ZNF546: variants seen among roughly 807,000 people sequenced by gnomAD.
The protein encoded by ZNF546 is CTC-471F3.6.
In ZNF546, 60 loss-of-function variants were observed where a neutral mutation model predicts 76.2. The observed-to-expected ratio is 0.79, with a 90% confidence interval of 0.64 to 0.98. The LOEUF is 0.98. Among genes scored for constraint, ZNF546 ranks in the 50% least tolerant of loss-of-function variants. ZNF546 has a pLI of 0.00. For missense variants in ZNF546, 936 were observed against 1,035.6 expected (o/e 0.90, Z 1.32); for synonymous variants, 277 against 328.1 (o/e 0.84, Z 1.68).
intron 3 of ZNF546, among the ~76,000 whole-genome samples, chr19:40,004,040 ATATATT>A (rs1263887762): frequency 7.0e-6 from 1 of 143,728 alleles, no homozygotes; most frequent in Non-Finnish European, 1.5e-5. Flanking sequence ...AAATATATAA[ATATATT>A]TATATGTATT....
chr19:40,008,506 T>G lies in ZNF546; in HGVS notation c.335T>G (p.Leu112Trp). Residue 112 changes from leucine to tryptophan, a missense_variant, in exon 6 of 7, where the codon TTG becomes TGG. Transcript: ENST00000347077. ...TIPKPDVITLLEQEKEPWIVM... is the reference protein window; with the variant it reads ...TIPKPDVITLWEQEKEPWIVM... ...CCTAAGCCAGATGTGATTACTTTAT[T>G]GGAGCAAGAGAAAGAGCCCTGGATA... is the stretch of plus-strand genomic sequence containing the variant. The G allele has an allele frequency of 6.2e-7, 1 of 1,612,658 alleles. No homozygotes were observed. Among genetic ancestry groups the G allele is most frequent in the Non-Finnish European group, 8.5e-7 (1 of 1,178,914 alleles).
At chr19:40,009,475 T>A (rs187104221) in intron 6 of ZNF546, among the ~76,000 whole-genome samples, 3 of 152,372 alleles carry the variant, frequency 2.0e-5, no homozygotes, top group Admixed American at 2.0e-4. Context: ...TCATTTTAAG[T>A]GTCAATTTTT....
intron 3 of ZNF546, among the ~76,000 whole-genome samples, chr19:40,001,227 G>T (rs1971525368): frequency 1.3e-5 from 2 of 152,200 alleles, no homozygotes; most frequent in African/African-American, 2.4e-5. Flanking sequence ...GTGTGGCACA[G>T]TTCCTAACAG....
rs1490999096 is a variant in ZNF546 at position 40,010,415 on chromosome 19, AAAG to A, written c.394+1859_394+1861del. On this transcript the variant is annotated intron_variant, in intron 6 of 6. Coordinates refer to ENST00000347077, the MANE Select transcript of ZNF546 (RefSeq NM_178544.5). ...AAGATAATGTCTGAAAAAAAAAAAA[AAAG>A]AAGAAGAAAGTGGTTGTATCTTTTT... Among the ~76,000 whole-genome samples the A allele has an allele frequency of 5.3e-5, 8 of 152,036 alleles. No individual in the cohort carries two copies. The South Asian group carries it at 6.2e-4, about 12-fold the overall frequency.
chr19:40,011,459 C>T (rs1479873888), intron 6 of ZNF546: 2 of 152,194 alleles, frequency 1.3e-5, no homozygotes, highest in African/African-American at 4.8e-5. Context: ...CTCCTGACCT[C>T]ATGATCTGCC....
chr19:39,998,336 G>A lies in ZNF546; in HGVS notation c.10G>A (p.Asp4Asn). The A allele has an allele frequency of 6.2e-7, 1 of 1,614,090 alleles. No individual in the cohort carries two copies. Among genetic ancestry groups the A allele is most frequent in the Non-Finnish European group, 8.5e-7 (1 of 1,179,948 alleles). MQV[D>N]PPLHGPPNDF... ...CAGTGAACAATGGACCATGCAGGTG[G>A]ACCCTCCTCTTCACGGGCCTCCAAA... Residue 4 changes from aspartate (D) to asparagine (N), a missense_variant, in exon 3 of 7, where the codon GAC (aspartate) becomes AAC (asparagine). Coordinates refer to ENST00000347077, the MANE Select transcript of ZNF546 (RefSeq NM_178544.5).
Position 40,008,571 on chromosome 19 carries a change from T to TGACA in ZNF546, c.394+8_394+11dup. The TGACA allele has an allele frequency of 1.2e-6, 2 of 1,609,360 alleles. No homozygotes were observed. Among genetic ancestry groups the TGACA allele is most frequent in the Non-Finnish European group, 8.5e-7 (1 of 1,176,256 alleles). On this transcript the variant is annotated splice_region_variant and intron_variant, in intron 6 of 6. Coordinates refer to ENST00000347077, the MANE Select transcript of ZNF546 (RefSeq NM_178544.5). The stretch of plus-strand genomic sequence containing the variant: ...GACAAGGAATTGGTTCACAGGTGAG[T>TGACA]GACAGCAAATTAGGCGGGAGGGTGC...
At chr19:40,002,609 G>A (rs555351392) in intron 3 of ZNF546, among the ~76,000 whole-genome samples, 1 of 152,140 alleles carries the variant, frequency 6.6e-6, no homozygotes, top group South Asian at 2.1e-4. Context: ...CATGATGATG[G>A]ATTTGTTCTA....
At position 40,020,972 on chromosome 19, in the gene ZNF546, T is replaced by C. The variant is rs745973081; in HGVS notation, c.*5191T>C. On this transcript the variant is annotated 3_prime_UTR_variant, in exon 7 of 7. Transcript: ENST00000347077. ...GTACTATAATGAATTTAAACTTTCA[T>C]TGGTATTTATGTTTTAACAGGTTTT... is the stretch of plus-strand genomic sequence containing the variant. 9.8e-5 allele frequency: 15 copies of C among 152,358 alleles called. No individual in the cohort carries two copies. The highest frequency in any genetic ancestry group is 3.9e-4 in the East Asian group (2 of 5,194). The allele number at this position is 152,358 out of a possible 1,614,324, so 9.4% of individuals were successfully genotyped here.
intron 6 of ZNF546, among the ~76,000 whole-genome samples, chr19:40,010,650 A>G (rs546182922): frequency 6.6e-6 from 1 of 152,022 alleles, no homozygotes; most frequent in Non-Finnish European, 1.5e-5. Context: ...TTGGTGAAGC[A>G]TCTATTACAG....
At chr19:40,008,400 T>C in intron 5 of ZNF546, 70 bp from the exon 6 acceptor site, 1 of 1,184,354 alleles carries the variant, frequency 8.4e-7, no homozygotes, top group Non-Finnish European at 1.2e-6. Flanking sequence ...CAAGTCTGAA[T>C]TGTCATTTCA....
In ZNF546 at chr19:40,007,387, C is replaced by A; in HGVS notation, c.285C>A (p.Asn95Lys). 1.3e-6 allele frequency: 2 copies of A among 1,598,750 alleles called. No homozygotes were observed. The highest frequency in any genetic ancestry group is 1.7e-5 in the Admixed American group (1 of 58,070). ...YKDVMLENYS[N>K]LVSLGYTIPK... ...ATGTGATGTTGGAGAACTACAGCAA[C>A]CTGGTCTCACTGGGTAAGGTATCTT... Residue 95 changes from asparagine to lysine, a missense_variant, in exon 5 of 7, where the codon AAC (asparagine) becomes AAA (lysine). Coordinates refer to ENST00000347077, the MANE Select transcript of ZNF546 (RefSeq NM_178544.5).
rs547584974 is a variant in ZNF546, at chr19:39,997,919, A to T, written c.-80+4A>T. 6.1e-6 allele frequency: 1 copy of T among 162,810 alleles called. No homozygotes were observed. Among genetic ancestry groups the T allele is most frequent in the South Asian group, 1.7e-4 (1 of 5,752 alleles). The allele number at this position is 162,810 out of a possible 1,614,324, so 10.1% of individuals were successfully genotyped here. A position where few individuals can be genotyped will look rare whatever the true frequency, so the allele number is the denominator to read the frequency against. On this transcript the variant is annotated splice_donor_region_variant and intron_variant, in intron 2 of 6. Coordinates refer to ENST00000347077, the MANE Select transcript of ZNF546 (RefSeq NM_178544.5). ...AGGTCTAAAAGTTCAGGTCCAGGTA[A>T]GTTTATATTTCCTTTTTATTCATAA...
Position 39,998,420 on chromosome 19 carries a change from T to C in ZNF546, c.84+10T>C. On this transcript the variant is annotated intron_variant, in intron 3 of 6. Coordinates refer to ENST00000347077, the MANE Select transcript of ZNF546 (RefSeq NM_178544.5). Reference sequence around the variant, plus strand: ...CTCACTTTCTATAATGGTAGAGAAATGCATATCCTGGAGTCTAAAGTTAAA... The same window carrying C: ...CTCACTTTCTATAATGGTAGAGAAACGCATATCCTGGAGTCTAAAGTTAAA... 1 of 1,606,600 alleles carries C rather than the reference T, an allele frequency of 6.2e-7. No individual in the cohort carries two copies. The highest frequency in any genetic ancestry group is 1.3e-5 in the African/African-American group (1 of 74,910).
intron 6 of ZNF546, among the ~76,000 whole-genome samples, chr19:40,009,311 T>G (rs573509019): frequency 6.6e-6 from 1 of 152,246 alleles, no homozygotes; most frequent in African/African-American, 2.4e-5. Flanking sequence ...ATGTGAACAT[T>G]CTTGTACAAT....
chr19:40,010,397 T>C (rs1175662416), intron 6 of ZNF546, among the ~76,000 whole-genome samples: 7 of 148,684 alleles, frequency 4.7e-5, no homozygotes, highest in Admixed American at 4.0e-4. Flanking sequence ...ACCAAGATAA[T>C]GTCTGAAAAA....
intron 6 of ZNF546, among the ~76,000 whole-genome samples, chr19:40,010,541 T>C (rs1448017551): frequency 1.3e-5 from 2 of 152,174 alleles, no homozygotes; most frequent in Non-Finnish European, 2.9e-5. Flanking sequence ...TGCTAATAGG[T>C]GAGTAATGGT....
At position 40,015,228 on chromosome 19, in the gene ZNF546, C is replaced by T. The variant is rs111889850; in HGVS notation, c.1958C>T (p.Thr653Met). The change falls in exon 7 of 7, where the codon ACG (threonine) becomes ATG (methionine). Residue 653 changes from threonine to methionine, a missense_variant. Coordinates refer to ENST00000347077, the MANE Select transcript of ZNF546 (RefSeq NM_178544.5). ...GKAFIRSTHL[T>M]QHHRIHTGEK... ...GCCTTTATTCGTAGCACTCATCTCA[C>T]GCAACATCACAGAATTCATACTGGT... 341 of 1,613,920 alleles carry T rather than the reference C, an allele frequency of 2.1e-4. 2 individuals carry two copies. In the African/African-American group the frequency reaches 3.3e-3, roughly 16 times the overall value.
rs752083833 is a variant in ZNF546, at chr19:40,015,465, G to A, written c.2195G>A (p.Arg732His). Residue 732 changes from arginine (R) to histidine (H), a missense_variant, in exon 7 of 7, where the codon CGT becomes CAT. Arg to His is a conservative substitution (Grantham distance 29). Coordinates refer to ENST00000347077, the MANE Select transcript of ZNF546 (RefSeq NM_178544.5). ...ECKECGKTFS[R>H]RYHLTQHFRL... ...AAGGAATGTGGAAAGACCTTTAGTC[G>A]TCGGTATCATCTTACTCAACATTTT... 61 of 1,613,966 alleles carry A rather than the reference G, an allele frequency of 3.8e-5. No individual in the cohort carries two copies. Among genetic ancestry groups the A allele is most frequent in the East Asian group, 4.5e-5 (2 of 44,882 alleles).
Sources: allele counts gnomAD v4.1 joint callset (sites outside exome capture counted in the v4.1 genomes callset), GRCh38; gene constraint gnomAD v4.1.1; transcripts MANE v1.5; gene names NCBI Gene and HGNC (gene_info 2026-07-23, HGNC 2026-07-21).